Variants in PTPRD observed in about 807,000 individuals in gnomAD.
The protein encoded by PTPRD is receptor-type tyrosine-protein phosphatase delta.
PTPRD carries 34 observed loss-of-function variants against 214.5 expected under a neutral mutation model. The observed-to-expected ratio is 0.16, with a 90% confidence interval of 0.12 to 0.21. PTPRD has a LOEUF of 0.21. Ranked by LOEUF, PTPRD falls within the 10% of genes least tolerant of loss-of-function variation. The pLI, the probability that PTPRD is intolerant of heterozygous loss-of-function variation, is 1.00. For missense variants in PTPRD, 2,545 were observed against 2,398.7 expected, an observed-to-expected ratio of 1.06 and a Z score of -1.27; for synonymous variants, 1,128 against 845.7, an observed-to-expected ratio of 1.33 and a Z score of -5.79.
chr9:8,368,442 T>G (rs959783674), intron 39 of PTPRD, among the ~76,000 whole-genome samples: 1 of 152,176 alleles, frequency 6.6e-6, no homozygotes, highest in Non-Finnish European at 1.5e-5. Context: ...GGTTCTCAGT[T>G]GCCCTTGAAG....
chr9:9,919,989 T>G (rs899769944), intron 5 of PTPRD, among the ~76,000 whole-genome samples: 1 of 152,056 alleles, frequency 6.6e-6, no homozygotes, highest in Non-Finnish European at 1.5e-5. Flanking sequence ...CACCTTGAAG[T>G]TTTTTTTCAT....
intron 9 of PTPRD, among the ~76,000 whole-genome samples, chr9:9,243,165 G>A (rs2099971246): frequency 6.6e-6 from 1 of 151,968 alleles, no homozygotes; most frequent in Admixed American, 6.6e-5. Context: ...AAATATTGCT[G>A]AACAGTCCAG....
intron 2 of PTPRD, among the ~76,000 whole-genome samples, chr9:10,480,531 T>C (rs1021456675): frequency 2.6e-5 from 4 of 152,060 alleles, no homozygotes; most frequent in Non-Finnish European, 5.9e-5. Flanking sequence ...AGACATTTTT[T>C]ATAAACTTCC....
At chr9:9,280,594 G>A (rs1301429295) in intron 9 of PTPRD, among the ~76,000 whole-genome samples, 1 of 150,984 alleles carries the variant, frequency 6.6e-6, no homozygotes, top group African/African-American at 2.4e-5. Context: ...ATCCATATCA[G>A]GAAAACTATA....
intron 10 of PTPRD, among the ~76,000 whole-genome samples, chr9:9,042,610 TTTTC>T (rs1569495198): frequency 2.4e-4 from 20 of 83,644 alleles, no homozygotes; most frequent in Non-Finnish European, 5.1e-4. Context: ...TTTTTCTTTT[TTTTC>T]TTTTCTTTTT....
intron 3 of PTPRD, among the ~76,000 whole-genome samples, chr9:10,181,493 A>G (rs1300798810): frequency 6.6e-6 from 1 of 152,032 alleles, no homozygotes; most frequent in African/African-American, 2.4e-5. Flanking sequence ...AAGAGACTTC[A>G]CCAACACTAA....
intron 8 of PTPRD, among the ~76,000 whole-genome samples, chr9:9,555,477 C>T (rs2081297127): frequency 6.6e-6 from 1 of 152,012 alleles, no homozygotes; most frequent in Non-Finnish European, 1.5e-5. Flanking sequence ...ATAGTTTCAT[C>T]AACTCTGGAA....
chr9:8,319,701 A>G (rs1825428603), intron 45 of PTPRD, 130 bp downstream of exon 45: 2 of 1,162,172 alleles, frequency 1.7e-6, no homozygotes, highest in East Asian at 5.1e-5. Context: ...TGAGGTTCAA[A>G]ATTATTAAAC....
intron 2 of PTPRD, among the ~76,000 whole-genome samples, chr9:10,413,567 GA>G (rs373026590): frequency 2.7e-4 from 41 of 151,886 alleles, no homozygotes; most frequent in African/African-American, 9.2e-4. Flanking sequence ...CTATTCCTAT[GA>G]AATTACCAAT....
At chr9:8,593,887 A>G (rs2094299636) in intron 14 of PTPRD, among the ~76,000 whole-genome samples, 1 of 152,174 alleles carries the variant, frequency 6.6e-6, no homozygotes, top group Non-Finnish European at 1.5e-5. Flanking sequence ...TGAGCATTTC[A>G]TTATACCACT....
intron 8 of PTPRD, among the ~76,000 whole-genome samples, chr9:9,449,550 A>C (rs1355668837): frequency 1.3e-5 from 2 of 151,970 alleles, no homozygotes; most frequent in Non-Finnish European, 2.9e-5. Context: ...TGTGAAGGAA[A>C]AAGTAACTAG....
At chr9:8,926,383 G>T (rs1000086141) in intron 11 of PTPRD, among the ~76,000 whole-genome samples, 9 of 152,100 alleles carry the variant, frequency 5.9e-5, no homozygotes, top group African/African-American at 1.9e-4. Flanking sequence ...TATTTATTGG[G>T]TAAACACTAG....
At chr9:9,036,399 T>C (rs2099622005) in intron 10 of PTPRD, among the ~76,000 whole-genome samples, 1 of 152,104 alleles carries the variant, frequency 6.6e-6, no homozygotes, top group Admixed American at 6.6e-5. Context: ...ATATAGGGTC[T>C]TAATTGTCAT....
intron 10 of PTPRD, among the ~76,000 whole-genome samples, chr9:9,073,620 T>C (rs538315785): frequency 3.9e-4 from 59 of 152,328 alleles, no homozygotes; most frequent in African/African-American, 1.4e-3. Context: ...ATAGAAATTC[T>C]ACCTTAGTTT....
At chr9:10,162,481 G>A (rs2099133100) in intron 3 of PTPRD, among the ~76,000 whole-genome samples, 2 of 150,712 alleles carry the variant, frequency 1.3e-5, no homozygotes, top group African/African-American at 2.4e-5. Context: ...CTCCTATGTG[G>A]GAGCTAAAAA....
chr9:9,545,183 C>G (rs1479446777), intron 8 of PTPRD, among the ~76,000 whole-genome samples: 1 of 151,704 alleles, frequency 6.6e-6, no homozygotes, highest in Non-Finnish European at 1.5e-5. Context: ...AGGGTTCACT[C>G]TATGCATGAG....
chr9:9,295,289 T>C (rs1347018034), intron 9 of PTPRD, among the ~76,000 whole-genome samples: 1 of 151,798 alleles, frequency 6.6e-6, no homozygotes, highest in African/African-American at 2.4e-5. Context: ...ATATCAGAAG[T>C]ATAGCAAATG....
chr9:9,762,063 GT>G (rs2154476204), intron 6 of PTPRD, among the ~76,000 whole-genome samples: 1 of 152,294 alleles, frequency 6.6e-6, no homozygotes, highest in South Asian at 2.1e-4. Flanking sequence ...GTAGGCCAGT[GT>G]CCGAATCCCA....
chr9:10,154,708 A>G (rs1218629855), intron 3 of PTPRD, among the ~76,000 whole-genome samples: 1 of 152,032 alleles, frequency 6.6e-6, no homozygotes, highest in South Asian at 2.1e-4. Flanking sequence ...TTGAATAGGG[A>G]TCCCTTTCCC....
Sources: gnomAD v4.1 joint callset for allele counts (sites outside exome capture counted in the v4.1 genomes callset) on GRCh38, gnomAD v4.1.1 for gene constraint, MANE v1.5 for transcripts, NCBI Gene and HGNC (gene_info 2026-07-23, HGNC 2026-07-21) for gene names.